The following DUSP22 variants were observed in gnomAD, a reference collection of about 807,000 sequenced individuals.
DUSP22 encodes the protein dual specificity phosphatase 22, also known as dual specificity protein phosphatase 22.
In DUSP22, 24 loss-of-function variants were observed where a neutral mutation model predicts 24.5. The ratio of observed to expected loss-of-function variants is 0.98; its 90% CI spans 0.71 to 1.38. DUSP22 has a LOEUF of 1.38. DUSP22 is among the 40% of genes most tolerant of loss of function. The pLI is 0.00. For synonymous variants in DUSP22, 160 were observed against 106.4 expected, an observed-to-expected ratio of 1.50 and a Z score of -3.10; for missense variants, 330 against 269.2, an observed-to-expected ratio of 1.23 and a Z score of -1.58.
intron 2 of DUSP22, 90 bp from the exon 3 acceptor site, chr6:311,790 T>G: frequency 2.9e-6 from 4 of 1,357,308 alleles, no homozygotes; most frequent in Non-Finnish European, 4.0e-6. Context: ...TGCAAGTCAT[T>G]TTGTGGGTTT....
At chr6:304,811 T>C (rs1757747019) in intron 2 of DUSP22, 150 bp downstream of exon 2, 2 of 1,205,650 alleles carry the variant, frequency 1.7e-6, no homozygotes, top group African/African-American at 1.5e-5. Context: ...ACTTTTCATG[T>C]TCCCAAACTG....
chr6:340,156 T>C (rs1392509501), intron 4 of DUSP22, among the ~76,000 whole-genome samples: 1 of 152,310 alleles, frequency 6.6e-6, no homozygotes, highest in African/African-American at 2.4e-5. Flanking sequence ...AAAGCCCTTA[T>C]CTGGCCAAAT....
intron 2 of DUSP22, among the ~76,000 whole-genome samples, chr6:307,600 G>A (rs887900394): frequency 3.3e-5 from 5 of 152,300 alleles, no homozygotes; most frequent in African/African-American, 4.8e-5. Flanking sequence ...GGCAGGGAGT[G>A]GAAGCCAGAG....
intron 3 of DUSP22, among the ~76,000 whole-genome samples, chr6:333,185 C>G (rs1435168066): frequency 6.6e-6 from 1 of 152,306 alleles, no homozygotes; most frequent in Non-Finnish European, 1.5e-5. Context: ...GAAATGAGGA[C>G]AGAGACAGGA....
At position 350,169 on chromosome 6, in the gene DUSP22, G is replaced by T. The variant is rs987254982; in HGVS notation, c.*1218G>T. ...CTCACAGTTGAAAATGTTCGGTCAT[G>T]ATTGCTTTTGAAACCAAAGGGGAAG... On this transcript the variant is annotated 3_prime_UTR_variant, in exon 7 of 7. Coordinates refer to ENST00000419235, the MANE Select transcript of DUSP22 (RefSeq NM_001286555.3). 5.1e-6 allele frequency: 5 copies of T among 986,348 alleles called. No homozygotes were observed. The highest frequency in any genetic ancestry group is 6.0e-6 in the Non-Finnish European group (5 of 830,594). 61.1% of individuals were successfully genotyped at this position (986,348 alleles called of 1,614,324 possible). A position where few individuals can be genotyped will look rare whatever the true frequency, so the allele number is the denominator to read the frequency against.
chr6:319,925 T>C (rs1370602201), intron 3 of DUSP22: 1 of 152,368 alleles, frequency 6.6e-6, no homozygotes, highest in Non-Finnish European at 1.5e-5. Context: ...TAGAAATGAT[T>C]ATAGCAGGGA....
rs554206574 is a variant in DUSP22 at position 347,078 on chromosome 6, T to C, written c.264-1025T>C. 1.2e-4 allele frequency among the ~76,000 whole-genome samples: 18 copies of C among 152,418 alleles called. No homozygotes were observed. The East Asian group carries it at 2.1e-3, about 18-fold the overall frequency. On this transcript the variant is annotated intron_variant, in intron 5 of 6. Coordinates refer to ENST00000419235, the MANE Select transcript of DUSP22 (RefSeq NM_001286555.3). ...ATTTTAACGTTCATTTCTGTTTGGC[T>C]TTAACATACCTTGGGGGTTCAATTG...
chr6:315,281 C>G (rs1283917037), intron 3 of DUSP22, among the ~76,000 whole-genome samples: 9 of 152,308 alleles, frequency 5.9e-5, no homozygotes, highest in Non-Finnish European at 1.3e-4. Context: ...TGACCCGTTT[C>G]TATGCCCCAC....
intron 1 of DUSP22, among the ~76,000 whole-genome samples, chr6:303,564 T>C (rs529330840): frequency 1.3e-5 from 2 of 152,424 alleles, no homozygotes; most frequent in South Asian, 4.1e-4. Context: ...TGAAGGAAGA[T>C]AGGGGAGCTG....
At chr6:343,495 C>A (rs1759712022) in intron 4 of DUSP22, among the ~76,000 whole-genome samples, 1 of 152,428 alleles carries the variant, frequency 6.6e-6, no homozygotes, top group Non-Finnish European at 1.5e-5. Flanking sequence ...CCTGCAGTGC[C>A]CACTCTGGTC....
At chr6:341,758 A>G (rs1759618872) in intron 4 of DUSP22, among the ~76,000 whole-genome samples, 1 of 152,302 alleles carries the variant, frequency 6.6e-6, no homozygotes, top group South Asian at 2.1e-4. Context: ...GCTCTACTGG[A>G]CTTAACTCTT....
intron 1 of DUSP22, among the ~76,000 whole-genome samples, chr6:293,602 T>C (rs1757193837): frequency 6.6e-6 from 1 of 152,282 alleles, no homozygotes; most frequent in Admixed American, 6.5e-5. Context: ...CAGCACTGGG[T>C]CAGCAGTGGT....
chr6:306,868 G>T (rs1757833977), intron 2 of DUSP22, among the ~76,000 whole-genome samples: 2 of 152,308 alleles, frequency 1.3e-5, no homozygotes, highest in Admixed American at 1.3e-4. Flanking sequence ...ACACACCTGG[G>T]GGTGTAGACT....
At chr6:296,039 T>A (rs1757314034) in intron 1 of DUSP22, among the ~76,000 whole-genome samples, 1 of 132,258 alleles carries the variant, frequency 7.6e-6, no homozygotes, top group African/African-American at 2.5e-5. Flanking sequence ...TGCTAATTCA[T>A]CCCAAGTAAG....
At chr6:323,245 T>TGG (rs1239958174) in intron 3 of DUSP22, among the ~76,000 whole-genome samples, 1 of 96,170 alleles carries the variant, frequency 1.0e-5, no homozygotes, top group East Asian at 5.1e-4. Context: ...TGTGCATGTG[T>TGG]GTGTGTGTGT....
intron 3 of DUSP22, among the ~76,000 whole-genome samples, chr6:321,768 G>A (rs1758599532): frequency 6.6e-6 from 1 of 152,308 alleles, no homozygotes. Flanking sequence ...AGTTACAACA[G>A]CCATAAACTC....
intron 6 of DUSP22, 78 bp from the exon 7 acceptor site, chr6:348,691 A>G: frequency 6.3e-7 from 1 of 1,585,654 alleles, no homozygotes; most frequent in Non-Finnish European, 8.6e-7. Flanking sequence ...CTCTGTGGTG[A>G]AGTCACAGGT....
Position 350,521 on chromosome 6 carries a change from T to A in DUSP22, c.*1570T>A. The A allele has an allele frequency of 7.6e-7, 1 of 1,318,290 alleles. No individual in the cohort carries two copies. The allele number at this position is 1,318,290 out of a possible 1,614,324, so 81.7% of individuals were successfully genotyped here. Reference sequence around the variant, plus strand: ...GTGCATATAGAGGGTGTGTCAAAGGTGAGCTTTTTGGGGACCGGGAAAAAC... The same window carrying A: ...GTGCATATAGAGGGTGTGTCAAAGGAGAGCTTTTTGGGGACCGGGAAAAAC... On this transcript the variant is annotated 3_prime_UTR_variant, in exon 7 of 7. Coordinates refer to ENST00000419235, the MANE Select transcript of DUSP22 (RefSeq NM_001286555.3).
chr6:344,405 C>T (rs924500127), intron 4 of DUSP22, among the ~76,000 whole-genome samples: 2 of 152,304 alleles, frequency 1.3e-5, no homozygotes, highest in African/African-American at 4.8e-5. Flanking sequence ...CCCACCTCGG[C>T]CTCCCAAGTA....
Sources: gnomAD v4.1 joint callset for allele counts (sites outside exome capture counted in the v4.1 genomes callset) on GRCh38, gnomAD v4.1.1 for gene constraint, MANE v1.5 for transcripts, NCBI Gene and HGNC (gene_info 2026-07-23, HGNC 2026-07-21) for gene names.